CHM: variants seen among roughly 807,000 people sequenced by gnomAD.
CHM encodes CHM Rab escort protein, also known as rab proteins geranylgeranyltransferase component A 1.
CHM carries 10 observed loss-of-function variants against 49.0 expected under a neutral mutation model. The observed-to-expected ratio is 0.20, with a 90% CI of 0.13 to 0.35. CHM has a LOEUF of 0.35. Ranked by LOEUF, CHM falls within the 10% of genes least tolerant of loss-of-function variation. The pLI is 1.00. For missense variants in CHM, 455 were observed against 478.4 expected (o/e 0.95, Z 0.46); for synonymous variants, 184 against 167.5 (o/e 1.10, Z -0.76).
Position 86,044,532 on chromosome X carries a change from G to A in CHM, c.49+2952C>T, listed in dbSNP as rs762118355. Among the ~76,000 whole-genome samples, 4 of 111,847 alleles carry A rather than the reference G, an allele frequency of 3.6e-5. No homozygotes were observed. The South Asian group carries it at 1.5e-3, about 42-fold the overall frequency. ...ATATAGATCTTATAACTTCCATCTT[G>A]ACTGCTCTTCTGTTGAGTTCTTGGC... On this transcript the variant is annotated intron_variant, in intron 1 of 14. Transcript: ENST00000357749.
At position 85,879,068 on chromosome X, in the gene CHM, TAA is replaced by T; in HGVS notation, c.1511-7_1511-6del. The T allele has an allele frequency of 1.9e-6, 2 of 1,070,139 alleles. No individual in the cohort carries two copies. The highest frequency in any genetic ancestry group is 2.5e-6 in the Non-Finnish European group (2 of 785,237). The allele number at this position is 1,070,139 out of a possible 1,213,427, so 88.2% of individuals were successfully genotyped here. ...TGCAAGTCAAATGAACCAAATCTGT[TAA>T]AAAAAAAATATTTGAGTTCCTTGTC... On this transcript the variant is annotated splice_region_variant and splice_polypyrimidine_tract_variant and intron_variant, in intron 12 of 14. Transcript: ENST00000357749.
At chrX:85,919,358 CT>C (rs1927645965) in intron 8 of CHM, among the ~76,000 whole-genome samples, 1 of 111,339 alleles carries the variant, frequency 9.0e-6, no homozygotes, top group African/African-American at 3.3e-5. Context: ...TAAAGACCTC[CT>C]TTTATGAAAT....
intron 8 of CHM, among the ~76,000 whole-genome samples, chrX:85,940,981 C>A (rs1359188151): frequency 5.4e-5 from 6 of 111,483 alleles, no homozygotes; most frequent in Non-Finnish European, 1.1e-4. Context: ...TAAGTGCATA[C>A]CATCTGTCTT....
In CHM at chrX:85,964,031, G is replaced by T. The variant is rs754389594; in HGVS notation, c.336C>A (p.Val112=). The T allele has an allele frequency of 8.3e-7, 1 of 1,206,372 alleles. No individual in the cohort carries two copies. Among genetic ancestry groups the T allele is most frequent in the Non-Finnish European group, 1.1e-6 (1 of 893,430 alleles). The change falls in exon 5 of 15, where the codon GTC becomes GTA. Residue 112 remains valine, a synonymous_variant. Coordinates refer to ENST00000357749, the MANE Select transcript of CHM (RefSeq NM_000390.4). ...CYASQDLHED[V]EEAGALQKNH... ...TTTTCTGCAGTGCACCAGCTTCTTC[G>T]ACATCTTCATGCAAATCCTGACTAA...
At chrX:85,982,913 G>A (rs1401830824) in intron 2 of CHM, among the ~76,000 whole-genome samples, 3 of 111,461 alleles carry the variant, frequency 2.7e-5, no homozygotes, top group Non-Finnish European at 3.8e-5. Flanking sequence ...TGAAGAGAGA[G>A]GAGTCCTTGA....
intron 8 of CHM, among the ~76,000 whole-genome samples, chrX:85,911,727 G>T (rs745791387): frequency 9.0e-6 from 1 of 111,319 alleles, no homozygotes; most frequent in South Asian, 3.8e-4. Flanking sequence ...GAGGAATTAA[G>T]CAGGGAAGAC....
At chrX:86,034,736 C>T (rs953372610) in intron 1 of CHM, among the ~76,000 whole-genome samples, 1 of 111,293 alleles carries the variant, frequency 9.0e-6, no homozygotes, top group East Asian at 2.8e-4. Context: ...GCCGAGATCA[C>T]GCCATTGCAC....
intron 4 of CHM, among the ~76,000 whole-genome samples, chrX:85,967,332 A>G (rs1930634258): frequency 8.9e-6 from 1 of 112,324 alleles, no homozygotes; most frequent in Non-Finnish European, 1.9e-5. Flanking sequence ...TAATAGTTCA[A>G]TTCTACTAAT....
chrX:85,922,845 C>T (rs1176271581), intron 8 of CHM, among the ~76,000 whole-genome samples: 1 of 111,880 alleles, frequency 8.9e-6, no homozygotes, highest in Non-Finnish European at 1.9e-5. Context: ...AGGTTTTACT[C>T]TATTCAGCAA....
chrX:86,007,042 G>A (rs1277040792), intron 2 of CHM, among the ~76,000 whole-genome samples: 6 of 111,678 alleles, frequency 5.4e-5, no homozygotes, highest in African/African-American at 2.0e-4. Context: ...AAACAGCATG[G>A]CACTGGTACC....
intron 11 of CHM, among the ~76,000 whole-genome samples, chrX:85,899,352 A>C (rs1926103345): frequency 9.0e-6 from 1 of 111,484 alleles, no homozygotes; most frequent in Non-Finnish European, 1.9e-5. Context: ...CAGGCCTAAC[A>C]GTGGACTTAT....
At chrX:85,901,502 A>T (rs1214161638) in intron 9 of CHM, among the ~76,000 whole-genome samples, 5 of 111,038 alleles carry the variant, frequency 4.5e-5, no homozygotes, top group African/African-American at 6.6e-5. Context: ...AATATTTAGG[A>T]ACATAAAAGC....
intron 8 of CHM, among the ~76,000 whole-genome samples, chrX:85,949,261 G>A (rs1929593381): frequency 1.8e-5 from 2 of 112,097 alleles, no homozygotes; most frequent in South Asian, 3.7e-4. Context: ...ACTTGTAAAT[G>A]TCTTTTCCCT....
At chrX:85,881,860 GTTAGA>G (rs1924783292) in intron 12 of CHM, among the ~76,000 whole-genome samples, 1 of 111,944 alleles carries the variant, frequency 8.9e-6, no homozygotes, top group African/African-American at 3.2e-5. Context: ...ATTTATGACA[GTTAGA>G]TTAATTCTGT....
At chrX:86,041,726 GTATATATATA>G (rs3078104) in intron 1 of CHM, among the ~76,000 whole-genome samples, 1,669 of 83,579 alleles carry the variant, frequency 0.02, 20 homozygotes, top group Middle Eastern at 0.061. Context: ...TGGTGTGTGT[GTATATATATA>G]TATATATATA....
rs991516335 is a variant in CHM, at chrX:85,864,319, A to T, written c.*311T>A. 3 of 264,039 alleles carry T rather than the reference A, an allele frequency of 1.1e-5. No homozygotes were observed. Among genetic ancestry groups the T allele is most frequent in the Non-Finnish European group, 2.0e-5 (3 of 147,604 alleles). 21.8% of individuals were successfully genotyped at this position (264,039 alleles called of 1,213,427 possible). A position where few individuals can be genotyped will look rare whatever the true frequency, so the allele number is the denominator to read the frequency against. ...TGGTAAGCAAAATTGTCCTAAGACCATGGAATTATTAACAATGCATAGGAT... is the reference window on the plus strand; with the variant it reads ...TGGTAAGCAAAATTGTCCTAAGACCTTGGAATTATTAACAATGCATAGGAT... On this transcript the variant is annotated 3_prime_UTR_variant, in exon 15 of 15. Transcript: ENST00000357749.
At chrX:85,967,522 G>A (rs1425633197) in intron 4 of CHM, among the ~76,000 whole-genome samples, 1 of 111,306 alleles carries the variant, frequency 9.0e-6, no homozygotes, top group African/African-American at 3.3e-5. Flanking sequence ...AAGACAAAGT[G>A]CATTTAATAC....
At chrX:85,872,204 C>A (rs1018967622) in intron 14 of CHM, among the ~76,000 whole-genome samples, 19 of 111,913 alleles carry the variant, frequency 1.7e-4, no homozygotes, top group Non-Finnish European at 3.2e-4. Context: ...TTGCCACTGG[C>A]GGGAATGAAA....
At chrX:86,019,468 A>G (rs1472890938) in intron 2 of CHM, 2 of 112,425 alleles carry the variant, frequency 1.8e-5, no homozygotes, top group African/African-American at 6.5e-5. Context: ...CATATTAAAG[A>G]TAACACTGAA....
Sources: gnomAD v4.1 joint callset for allele counts (sites outside exome capture counted in the v4.1 genomes callset) on GRCh38, gnomAD v4.1.1 for gene constraint, MANE v1.5 for transcripts, NCBI Gene and HGNC (gene_info 2026-07-23, HGNC 2026-07-21) for gene names.